Variants in DOCK6 observed in about 807,000 individuals in gnomAD.
DOCK6 encodes the protein dedicator of cytokinesis 6, also known as dedicator of cytokinesis protein 6.
In DOCK6, 167 loss-of-function variants were observed where a neutral mutation model predicts 230.3. That is an observed-to-expected ratio of 0.73 (90% CI 0.64 to 0.82). DOCK6 has a LOEUF of 0.82. DOCK6 is among the 40% of genes least tolerant of loss of function. The pLI is 0.00. For synonymous variants in DOCK6, 1,148 were observed against 1,185.0 expected (o/e 0.97, Z 0.64); for missense variants, 2,598 against 2,825.8 (o/e 0.92, Z 1.83).
intron 28 of DOCK6, among the ~76,000 whole-genome samples, chr19:11,217,807 G>A (rs923623554): frequency 6.6e-6 from 1 of 151,408 alleles, no homozygotes; most frequent in Non-Finnish European, 1.5e-5. Context: ...CCCAAGAGTG[G>A]GTTTCTGGTT....
Position 11,250,971 on chromosome 19 carries a change from T to C in DOCK6, c.623A>G (p.Glu208Gly), listed in dbSNP as rs749843506. Residue 208 changes from glutamate to glycine, a missense_variant, in exon 6 of 48, where the codon GAG becomes GGG. Transcript: ENST00000294618. ...AADSLLPSLL[E>G]RAAPEDVDRR... is the part of the protein sequence containing the mutation. ...GTCCACATCTTCTGGGGCCGCCCGCTCTAGCAGAGAGGGCAGCAATGAGTC... is the reference window on the plus strand; with the variant it reads ...GTCCACATCTTCTGGGGCCGCCCGCCCTAGCAGAGAGGGCAGCAATGAGTC... The C allele has an allele frequency of 1.9e-6, 3 of 1,613,688 alleles. No homozygotes were observed. The highest frequency in any genetic ancestry group is 2.5e-6 in the Non-Finnish European group (3 of 1,179,852).
chr19:11,253,093 G>C (rs776202854), intron 2 of DOCK6, 135 bp from the exon 3 acceptor site: 1 of 875,050 alleles, frequency 1.1e-6, no homozygotes, highest in East Asian at 2.7e-5. Context: ...TTGGAGTTAC[G>C]GAGGAACCAT....
At position 11,202,687 on chromosome 19, in the gene DOCK6, C is replaced by T. The variant is rs778267289; in HGVS notation, c.5258G>A (p.Arg1753His). The T allele has an allele frequency of 9.3e-6, 15 of 1,614,002 alleles. No homozygotes were observed. The highest frequency in any genetic ancestry group is 5.5e-5 in the South Asian group (5 of 91,086). The change falls in exon 42 of 48, where the codon CGC becomes CAC. Residue 1753 changes from arginine to histidine, a missense_variant. Coordinates refer to ENST00000294618, the MANE Select transcript of DOCK6 (RefSeq NM_020812.4). The surrounding 1 kb of genome is among the most constrained non-coding windows in gnomAD (Gnocchi z 5.3). ...GAAGTGGGCGCCGTAGAAGCCCACG[C>T]GGAAATACGTCCCGAACACGCGCTG... ...GWERVFGTYF[R>H]VGFYGAHFGD...
chr19:11,228,083 T>C (rs1306126223), intron 23 of DOCK6, among the ~76,000 whole-genome samples: 1 of 149,530 alleles, frequency 6.7e-6, no homozygotes, highest in Non-Finnish European at 1.5e-5. Flanking sequence ...TAATCTTGAC[T>C]CACTGCAACC....
chr19:11,238,515 C>G, intron 14 of DOCK6: 1 of 571,788 alleles, frequency 1.7e-6, no homozygotes. Flanking sequence ...AGCGAGCACC[C>G]TAAAAACACA....
At chr19:11,233,635 C>T (rs2079803516) in intron 21 of DOCK6, among the ~76,000 whole-genome samples, 1 of 152,110 alleles carries the variant, frequency 6.6e-6, no homozygotes, top group East Asian at 1.9e-4. Context: ...AGAGTTCAAG[C>T]CCAGCCCAGC....
At chr19:11,224,226 T>C (rs377522595) in intron 24 of DOCK6, among the ~76,000 whole-genome samples, 10 of 124,030 alleles carry the variant, frequency 8.1e-5, no homozygotes, top group East Asian at 3.3e-4. Context: ...TTTTTTTTTT[T>C]TTGAGACGGA....
chr19:11,257,524 T>C lies in DOCK6; in HGVS notation c.45-3798A>G, dbSNP rs530337401. 8.1e-5 allele frequency among the ~76,000 whole-genome samples: 12 copies of C among 147,808 alleles called. No individual in the cohort carries two copies. In the South Asian group the frequency reaches 2.6e-3, roughly 32 times the overall value. ...AAAAAAAAAGCTGGGCACTGTGGCT[T>C]ATGCCTGTAATCCCAGCACTTCGGG... On this transcript the variant is annotated intron_variant, in intron 1 of 47. Transcript: ENST00000294618.
chr19:11,256,131 T>TG (rs1056810213), intron 1 of DOCK6, among the ~76,000 whole-genome samples: 13 of 152,042 alleles, frequency 8.6e-5, no homozygotes, highest in East Asian at 7.7e-4. Context: ...TTCTACTGAC[T>TG]GGGGGGGTTG....
chr19:11,226,512 G>A (rs891800270), intron 24 of DOCK6, among the ~76,000 whole-genome samples: 3 of 152,126 alleles, frequency 2.0e-5, no homozygotes, highest in Non-Finnish European at 4.4e-5. Context: ...TACAAAATTA[G>A]CTGGGCGTGG....
At position 11,243,569 on chromosome 19, in the gene DOCK6, C is replaced by G; in HGVS notation, c.1246G>C (p.Asp416His). The G allele has an allele frequency of 6.2e-7, 1 of 1,605,046 alleles. No homozygotes were observed. The highest frequency in any genetic ancestry group is 8.5e-7 in the Non-Finnish European group (1 of 1,176,796). Residue 416 changes from aspartate to histidine, a missense_variant, in exon 11 of 48, where the codon GAC becomes CAC. Asp to His is a moderately conservative substitution (Grantham distance 81). Coordinates refer to ENST00000294618, the MANE Select transcript of DOCK6 (RefSeq NM_020812.4). This position sits in a 1 kb window ranked among gnomAD's most constrained non-coding sequence, Gnocchi z 6.3. ...CCCGCCTCCTCACCGCCCTCCGAGTCAGAGTCCCGGTCCAGCTGCCCAGCG... is the reference window on the plus strand; with the variant it reads ...CCCGCCTCCTCACCGCCCTCCGAGTGAGAGTCCCGGTCCAGCTGCCCAGCG... ...SSAGQLDRDS[D>H]SEGERRPAWT...
chr19:11,214,324 G>A lies in DOCK6; in HGVS notation c.4289C>T (p.Ala1430Val). Residue 1430 changes from alanine (A) to valine (V), a missense_variant, in exon 34 of 48, where the codon GCC (alanine) becomes GTC (valine). Ala to Val is a moderately conservative substitution (Grantham distance 64). Coordinates refer to ENST00000294618, the MANE Select transcript of DOCK6 (RefSeq NM_020812.4). Reference protein sequence around the residue: ...VLYSLGSAQSALFLQHGLATQ... With the variant: ...VLYSLGSAQSVLFLQHGLATQ... ...GGCCAGGCCATGCTGCAAGAAGAGGGCACTCTGGGCACTGCCCAGGCTGTA... is the reference window on the plus strand; with the variant it reads ...GGCCAGGCCATGCTGCAAGAAGAGGACACTCTGGGCACTGCCCAGGCTGTA... The A allele has an allele frequency of 6.2e-7, 1 of 1,613,612 alleles. No homozygotes were observed. The highest frequency in any genetic ancestry group is 8.5e-7 in the Non-Finnish European group (1 of 1,179,846).
rs946124373 is a variant in DOCK6 at position 11,201,077 on chromosome 19, T to C, written c.5689-25A>G. 1 of 1,611,650 alleles carries C rather than the reference T, an allele frequency of 6.2e-7. No homozygotes were observed. Among genetic ancestry groups the C allele is most frequent in the Non-Finnish European group, 8.5e-7 (1 of 1,179,416 alleles). On this transcript the variant is annotated intron_variant, in intron 44 of 47. Transcript: ENST00000294618. This position sits in a 1 kb window ranked among gnomAD's most constrained non-coding sequence, Gnocchi z 4.3. ...TCTGTGGGGTAAGGGGAGGGGTGTGTACTCGCTGGGGCCTGAGGAGGTCCT... is the reference window on the plus strand; with the variant it reads ...TCTGTGGGGTAAGGGGAGGGGTGTGCACTCGCTGGGGCCTGAGGAGGTCCT...
At position 11,202,727 on chromosome 19, in the gene DOCK6, GGT is replaced by G. The variant is rs770107726; in HGVS notation, c.5236-20_5236-19del. 1.6e-5 allele frequency: 26 copies of G among 1,612,906 alleles called. No homozygotes were observed. The highest frequency in any genetic ancestry group is 2.2e-5 in the Non-Finnish European group (26 of 1,179,890). ...AACACGCGCTGGGGCTGTGAGAAAG[GGT>G]GTGGTTGTCCGGGAGGCCCCTGCTG... On this transcript the variant is annotated intron_variant, in intron 41 of 47. Coordinates refer to ENST00000294618, the MANE Select transcript of DOCK6 (RefSeq NM_020812.4). The surrounding 1 kb of genome is among the most constrained non-coding windows in gnomAD (Gnocchi z 5.3).
Position 11,243,767 on chromosome 19 carries a change from ATC to A in DOCK6, c.1104+33_1104+34del, listed in dbSNP as rs922863676. 10 of 1,613,308 alleles carry A rather than the reference ATC, an allele frequency of 6.2e-6. No homozygotes were observed. In the African/African-American group the frequency reaches 9.3e-5, roughly 15 times the overall value. On this transcript the variant is annotated intron_variant, in intron 10 of 47. Transcript: ENST00000294618. This position sits in a 1 kb window ranked among gnomAD's most constrained non-coding sequence, Gnocchi z 6.3. The stretch of plus-strand genomic sequence containing the variant: ...GCATCCTAGCCCTGCTGAGTCAGGG[ATC>A]TGTTGCCCCTAGTCCAGCCTCCACA...
chr19:11,251,853 T>G, intron 5 of DOCK6: 1 of 489,548 alleles, frequency 2.0e-6, no homozygotes, highest in Non-Finnish European at 3.7e-6. Context: ...CTAAGAACCT[T>G]GCTGTGCCTC....
In DOCK6 at chr19:11,222,103, G is replaced by A. The variant is rs1312147783; in HGVS notation, c.3380+6C>T. On this transcript the variant is annotated splice_donor_region_variant and intron_variant, in intron 27 of 47. Transcript: ENST00000294618. The surrounding 1 kb of genome is among the most constrained non-coding windows in gnomAD (Gnocchi z 4.0). The stretch of plus-strand genomic sequence containing the variant: ...TGTCCTGGGGCTAGACAGGAGCTCT[G>A]CTCACCCTTCAGCCTCAGGTTCGAG... 6.2e-7 allele frequency: 1 copy of A among 1,612,460 alleles called. No homozygotes were observed. Among genetic ancestry groups the A allele is most frequent in the African/African-American group, 1.3e-5 (1 of 74,890 alleles).
Position 11,252,329 on chromosome 19 carries a change from G to A in DOCK6, c.378-81C>T. On this transcript the variant is annotated intron_variant, in intron 4 of 47. Coordinates refer to ENST00000294618, the MANE Select transcript of DOCK6 (RefSeq NM_020812.4). ...CCAGTGTGTTCTGACACACCTACAT[G>A]GCACCTTCAAAGCCACCGTCCTTGT... 3.8e-6 allele frequency: 6 copies of A among 1,566,692 alleles called. No homozygotes were observed. In the South Asian group the frequency reaches 7.0e-5, roughly 18 times the overall value.
Position 11,248,168 on chromosome 19 carries a change from G to T in DOCK6, c.721-17C>A, listed in dbSNP as rs764646067. On this transcript the variant is annotated splice_polypyrimidine_tract_variant and intron_variant, in intron 6 of 47. Transcript: ENST00000294618. The stretch of plus-strand genomic sequence containing the variant: ...GGCTTCATCCTGCCAAGAGTGGGGG[G>T]TGGGAGCTGGGCGGGAGGAGCTGGG... 7.8e-6 allele frequency: 12 copies of T among 1,528,984 alleles called. No individual in the cohort carries two copies. The highest frequency in any genetic ancestry group is 9.9e-6 in the Non-Finnish European group (11 of 1,108,976). The allele number at this position is 1,528,984 out of a possible 1,614,324, so 94.7% of individuals were successfully genotyped here.
Sources: allele counts gnomAD v4.1 joint callset (sites outside exome capture counted in the v4.1 genomes callset), GRCh38; gene constraint gnomAD v4.1.1; non-coding constraint Gnocchi (gnomAD v3.1); transcripts MANE v1.5; gene names NCBI Gene and HGNC (gene_info 2026-07-23, HGNC 2026-07-21).